The following FAM135A variants were observed in gnomAD, a reference collection of about 807,000 sequenced individuals.
The protein encoded by FAM135A is family with sequence similarity 135 member A, also known as protein FAM135A.
Under a neutral mutation model 146.8 loss-of-function variants are expected in FAM135A, and 79 were observed. The ratio of observed to expected loss-of-function variants is 0.54; its 90% CI spans 0.45 to 0.65. The LOEUF (loss-of-function observed/expected upper bound fraction) is 0.65. FAM135A is among the 30% of genes least tolerant of loss of function. The pLI is 0.00. For synonymous variants in FAM135A, 562 were observed against 603.6 expected (o/e 0.93, Z 1.01); for missense variants, 1,623 against 1,758.2 (o/e 0.92, Z 1.38).
At chr6:70,442,238 G>T (rs1480729060) in intron 4 of FAM135A, among the ~76,000 whole-genome samples, 5 of 136,362 alleles carry the variant, frequency 3.7e-5, no homozygotes, top group Middle Eastern at 4.1e-3. Context: ...TTTCTTCATG[G>T]GTTTTTTTTT....
At chr6:70,531,032 G>A (rs1325716318) in intron 16 of FAM135A, among the ~76,000 whole-genome samples, 1 of 152,184 alleles carries the variant, frequency 6.6e-6, no homozygotes, top group Non-Finnish European at 1.5e-5. Context: ...AGGACTGTAA[G>A]ATGAATGCCT....
At chr6:70,539,968 G>A (rs1164474306) in intron 20 of FAM135A, among the ~76,000 whole-genome samples, 4 of 152,128 alleles carry the variant, frequency 2.6e-5, no homozygotes, top group African/African-American at 9.7e-5. Flanking sequence ...TGCACTCCAG[G>A]CTGGGAGACA....
intron 12 of FAM135A, among the ~76,000 whole-genome samples, chr6:70,505,614 T>C (rs1160384604): frequency 1.3e-5 from 2 of 152,138 alleles, no homozygotes; most frequent in Non-Finnish European, 2.9e-5. Context: ...TATAATCAAG[T>C]AGTTCATAGT....
At chr6:70,463,287 T>C (rs1361668467) in intron 5 of FAM135A, among the ~76,000 whole-genome samples, 1 of 152,066 alleles carries the variant, frequency 6.6e-6, no homozygotes, top group Non-Finnish European at 1.5e-5. Context: ...TCTTGCTCTG[T>C]CACCTAGGCT....
rs996767152 is a variant in FAM135A, at chr6:70,560,910, G to C, written c.*989G>C. 24 of 152,532 alleles carry C rather than the reference G, an allele frequency of 1.6e-4. No individual in the cohort carries two copies. The highest frequency in any genetic ancestry group is 2.5e-4 in the Non-Finnish European group (17 of 67,974). 9.4% of individuals were successfully genotyped at this position (152,532 alleles called of 1,614,324 possible). On this transcript the variant is annotated 3_prime_UTR_variant, in exon 22 of 22. Transcript: ENST00000418814. Reference sequence around the variant, plus strand: ...CATGTTTGGTGATACAGATGCAAATGTTTTTGATATATGGAGATGTTGAGT... The same window carrying C: ...CATGTTTGGTGATACAGATGCAAATCTTTTTGATATATGGAGATGTTGAGT...
intron 5 of FAM135A, among the ~76,000 whole-genome samples, chr6:70,455,680 C>T (rs933797812): frequency 6.6e-6 from 1 of 151,878 alleles, no homozygotes; most frequent in Non-Finnish European, 1.5e-5. Context: ...CCTGAAGTTG[C>T]CAGTTGAGAA....
intron 5 of FAM135A, among the ~76,000 whole-genome samples, chr6:70,471,685 A>G (rs1409486696): frequency 1.3e-5 from 2 of 152,176 alleles, no homozygotes; most frequent in East Asian, 3.9e-4. Context: ...TGCCAGTGTA[A>G]CAAACCTGCA....
At chr6:70,428,937 A>G (rs1257083269) in intron 4 of FAM135A, among the ~76,000 whole-genome samples, 2 of 152,218 alleles carry the variant, frequency 1.3e-5, no homozygotes, top group Non-Finnish European at 2.9e-5. Flanking sequence ...CACTAAAACA[A>G]TAATCTTTAT....
chr6:70,465,071 C>G (rs1408073815), intron 5 of FAM135A, among the ~76,000 whole-genome samples: 1 of 151,942 alleles, frequency 6.6e-6, no homozygotes, highest in Non-Finnish European at 1.5e-5. Context: ...CCACATTCTG[C>G]TTTCTGTTTC....
In FAM135A at chr6:70,443,920, A is replaced by G. The variant is rs114626266; in HGVS notation, c.78-8572A>G. 3.1e-3 allele frequency among the ~76,000 whole-genome samples: 465 copies of G among 152,258 alleles called. 1 individual carries two copies. The highest frequency in any genetic ancestry group is 0.01 in the African/African-American group (418 of 41,552). ...AAATTTTCCTTGGTAATTCCATACT[A>G]TCTTGTCAGCTCTTCAGTAATTTTA... is the stretch of plus-strand genomic sequence containing the variant. On this transcript the variant is annotated intron_variant, in intron 4 of 21. Coordinates refer to ENST00000418814, the MANE Select transcript of FAM135A (RefSeq NM_001162529.3).
chr6:70,468,974 G>T (rs1781034113), intron 5 of FAM135A, among the ~76,000 whole-genome samples: 1 of 152,162 alleles, frequency 6.6e-6, no homozygotes, highest in Admixed American at 6.5e-5. Context: ...CTTCTTTGCT[G>T]ATAGGTTCCC....
At chr6:70,484,363 G>A (rs1272087807) in intron 10 of FAM135A, among the ~76,000 whole-genome samples, 2 of 152,086 alleles carry the variant, frequency 1.3e-5, no homozygotes, top group Non-Finnish European at 2.9e-5. Context: ...AAAAACATAT[G>A]AACCACATTT....
chr6:70,427,397 C>T (rs931323825), intron 3 of FAM135A, among the ~76,000 whole-genome samples: 5 of 151,996 alleles, frequency 3.3e-5, no homozygotes, highest in African/African-American at 7.2e-5. Context: ...CTGAGCATGA[C>T]GGCGCATGCC....
intron 20 of FAM135A, among the ~76,000 whole-genome samples, chr6:70,545,910 A>T (rs1244072116): frequency 6.6e-6 from 1 of 152,222 alleles, no homozygotes; most frequent in Non-Finnish European, 1.5e-5. Flanking sequence ...TAAGCCAATA[A>T]TATACATTTT....
At chr6:70,518,897 T>C (rs1281490733) in intron 12 of FAM135A, among the ~76,000 whole-genome samples, 3 of 152,214 alleles carry the variant, frequency 2.0e-5, no homozygotes, top group Non-Finnish European at 4.4e-5. Context: ...GATGTTTCCA[T>C]GTGGACTAAC....
intron 4 of FAM135A, among the ~76,000 whole-genome samples, chr6:70,445,220 T>C (rs1212842550): frequency 1.3e-5 from 2 of 152,216 alleles, no homozygotes; most frequent in African/African-American, 4.8e-5. Context: ...ACTTACTTTG[T>C]TTATGGCTAC....
intron 11 of FAM135A, among the ~76,000 whole-genome samples, chr6:70,498,258 G>T (rs1328904761): frequency 1.3e-5 from 2 of 152,168 alleles, no homozygotes; most frequent in Non-Finnish European, 2.9e-5. Flanking sequence ...TAGTTTGTTT[G>T]TGTAGAGGTG....
At chr6:70,503,827 T>C (rs1789122587) in intron 12 of FAM135A, 1 of 152,240 alleles carries the variant, frequency 6.6e-6, no homozygotes, top group Non-Finnish European at 1.5e-5. Flanking sequence ...TACCTGTAGA[T>C]TGTTCATTAT....
At chr6:70,472,385 TAAAG>T (rs1044284853) in intron 5 of FAM135A, among the ~76,000 whole-genome samples, 3 of 152,166 alleles carry the variant, frequency 2.0e-5, no homozygotes, top group African/African-American at 2.4e-5. Flanking sequence ...ATCTCAAACT[TAAAG>T]AAAAGTTGCA....
Sources: gnomAD v4.1 joint callset for allele counts (sites outside exome capture counted in the v4.1 genomes callset) on GRCh38, gnomAD v4.1.1 for gene constraint, MANE v1.5 for transcripts, NCBI Gene and HGNC (gene_info 2026-07-23, HGNC 2026-07-21) for gene names.